WLS: variants seen among roughly 807,000 people sequenced by gnomAD.
The protein encoded by WLS is Wnt ligand secretion mediator, also known as protein wntless homolog.
In WLS, 23 loss-of-function variants were observed where a neutral mutation model predicts 62.8. The observed-to-expected ratio is 0.37, with a 90% CI of 0.26 to 0.52. The LOEUF (loss-of-function observed/expected upper bound fraction) is 0.52, where lower values mean the gene tolerates loss of function less well. Ranked by LOEUF, WLS falls within the 20% of genes least tolerant of loss-of-function variation. The pLI is 0.92. For missense variants in WLS, 615 were observed against 697.3 expected (o/e 0.88, Z 1.33); for synonymous variants, 246 against 244.1 (o/e 1.01, Z -0.07).
At chr1:68,120,337 G>T (rs1472823161) in intron 11 of WLS, among the ~76,000 whole-genome samples, 1 of 152,184 alleles carries the variant, frequency 6.6e-6, no homozygotes, top group Non-Finnish European at 1.5e-5. Context: ...TGTCATTCTC[G>T]ATTTGGCCTG....
chr1:68,127,048 A>T, intron 11 of WLS: 1 of 383,596 alleles, frequency 2.6e-6, no homozygotes, highest in South Asian at 1.8e-5. Context: ...TGTTTTAATT[A>T]CCTGCGTGCA....
chr1:68,119,160 C>T (rs1646334004), intron 11 of WLS, among the ~76,000 whole-genome samples: 3 of 151,924 alleles, frequency 2.0e-5, no homozygotes, highest in Admixed American at 2.0e-4. Flanking sequence ...TAGAAGACAA[C>T]ACAATAACAT....
chr1:68,205,623 A>G (rs1181913245), intron 1 of WLS, among the ~76,000 whole-genome samples: 1 of 152,242 alleles, frequency 6.6e-6, no homozygotes, highest in Non-Finnish European at 1.5e-5. Flanking sequence ...CCTTTAGTGT[A>G]TATAACTAAT....
downstream of WLS, among the ~76,000 whole-genome samples, chr1:68,123,704 G>A (rs1646390323): frequency 1.3e-5 from 2 of 152,094 alleles, no homozygotes; most frequent in African/African-American, 4.8e-5. Context: ...GCAGCCATTT[G>A]ACCTGACTTC....
intron 1 of WLS, among the ~76,000 whole-genome samples, chr1:68,214,410 G>T (rs541694341): frequency 6.1e-4 from 93 of 151,900 alleles, no homozygotes; most frequent in Middle Eastern, 6.8e-3. Flanking sequence ...TGTCACCCAG[G>T]CTGGAGTGCA....
At chr1:68,228,897 G>GTTTT (rs10713302) in intron 1 of WLS, among the ~76,000 whole-genome samples, 1 of 90,540 alleles carries the variant, frequency 1.1e-5, no homozygotes, top group African/African-American at 3.9e-5. Flanking sequence ...GTTTTTTTTT[G>GTTTT]TTTTTTTTTT....
rs1383613373 is a variant in WLS, at chr1:68,125,711, A to T, written c.*515T>A. The T allele has an allele frequency of 2.0e-6, 2 of 986,018 alleles. No homozygotes were observed. Among genetic ancestry groups the T allele is most frequent in the African/African-American group, 3.5e-5 (2 of 57,250 alleles). The allele number at this position is 986,018 out of a possible 1,614,324, so 61.1% of individuals were successfully genotyped here. A position where few individuals can be genotyped will look rare whatever the true frequency, so the allele number is the denominator to read the frequency against. On this transcript the variant is annotated 3_prime_UTR_variant, in exon 12 of 12. Coordinates refer to ENST00000262348, the MANE Select transcript of WLS (RefSeq NM_024911.7). ...ACACTTATCTATTGACAACTTAAAT[A>T]TTAACTCAGTGGGCTACCTGGTGAT...
chr1:68,146,401 G>A (rs1467257452), intron 8 of WLS, among the ~76,000 whole-genome samples: 2 of 152,072 alleles, frequency 1.3e-5, no homozygotes, highest in Non-Finnish European at 2.9e-5. Flanking sequence ...TGGATCAGAT[G>A]AAAAACCACA....
intron 3 of WLS, among the ~76,000 whole-genome samples, chr1:68,156,239 T>C (rs1201198357): frequency 6.6e-6 from 1 of 152,184 alleles, no homozygotes; most frequent in African/African-American, 2.4e-5. Context: ...GGTTTCTATG[T>C]CAGCTTCAAT....
chr1:68,228,486 C>A (rs180887192), intron 1 of WLS, among the ~76,000 whole-genome samples: 19 of 152,224 alleles, frequency 1.2e-4, no homozygotes, highest in Admixed American at 1.2e-3. Context: ...ACCACCACCC[C>A]CAAAGCTGCC....
chr1:68,201,427 T>C (rs971166048), intron 1 of WLS, among the ~76,000 whole-genome samples: 5 of 152,238 alleles, frequency 3.3e-5, no homozygotes, highest in African/African-American at 1.2e-4. Flanking sequence ...TAGACACTTA[T>C]GCTTTCTCCA....
intron 2 of WLS, among the ~76,000 whole-genome samples, chr1:68,188,186 T>C (rs1225536546): frequency 6.6e-6 from 1 of 152,208 alleles, no homozygotes. Context: ...ACTCCTATAG[T>C]CAATTCTTAA....
chr1:68,198,133 T>C (rs1648779237), intron 1 of WLS, among the ~76,000 whole-genome samples: 1 of 152,142 alleles, frequency 6.6e-6, no homozygotes, highest in Non-Finnish European at 1.5e-5. Context: ...ACCCATAGTA[T>C]AAGGTTTAAC....
intron 11 of WLS, among the ~76,000 whole-genome samples, chr1:68,114,350 T>G (rs1216857316): frequency 6.6e-6 from 1 of 152,154 alleles, no homozygotes; most frequent in African/African-American, 2.4e-5. Context: ...TTGGAGAAAT[T>G]TAGGAGCCAA....
intron 11 of WLS, among the ~76,000 whole-genome samples, chr1:68,135,127 CTTTCTTTTCTTTTCT>C (rs55693104): frequency 2.0e-5 from 3 of 150,230 alleles, no homozygotes; most frequent in South Asian, 2.1e-4. Flanking sequence ...CAACCATGGA[CTTTCTTTTCTTTTCT>C]TTTCTTTTCT....
At chr1:68,226,262 G>A (rs1373841135) in intron 1 of WLS, among the ~76,000 whole-genome samples, 1 of 152,106 alleles carries the variant, frequency 6.6e-6, no homozygotes, top group South Asian at 2.1e-4. Context: ...TGATAATCTA[G>A]GCTCTGATGT....
At chr1:68,110,008 A>T (rs1349000212) in intron 11 of WLS, among the ~76,000 whole-genome samples, 9 of 8,428 alleles carry the variant, frequency 1.1e-3, no homozygotes, top group Admixed American at 3.2e-3. Flanking sequence ...CACAAAAAGT[A>T]AAAAAAAAAA....
At position 68,148,635 on chromosome 1, in the gene WLS, G is replaced by A. The variant is rs1204173995; in HGVS notation, c.998C>T (p.Ala333Val). 2.5e-6 allele frequency: 4 copies of A among 1,613,958 alleles called. No homozygotes were observed. The African/African-American group carries it at 5.3e-5, about 22-fold the overall frequency. Residue 333 changes from alanine (A) to valine (V), a missense_variant, in exon 7 of 12, where the codon GCA (alanine) becomes GTA (valine). Transcript: ENST00000262348. ...MMDQHERNHI[A>V]GYWKQVGPIA... ...GGGTCCGACTTGCTTCCAATACCCT[G>A]CGATGTGGTTCCGCTCGTGCTGATC... is the stretch of plus-strand genomic sequence containing the variant.
intron 1 of WLS, among the ~76,000 whole-genome samples, chr1:68,196,562 A>G (rs1264174051): frequency 6.6e-6 from 1 of 152,148 alleles, no homozygotes; most frequent in Non-Finnish European, 1.5e-5. Context: ...CCCTACTTCT[A>G]ATGTTCGAAT....
Sources: allele counts gnomAD v4.1 joint callset (sites outside exome capture counted in the v4.1 genomes callset), GRCh38; gene constraint gnomAD v4.1.1; transcripts MANE v1.5; gene names NCBI Gene and HGNC (gene_info 2026-07-23, HGNC 2026-07-21).